STXBP5L: variants seen among roughly 807,000 people sequenced by gnomAD.
STXBP5L encodes the protein syntaxin-binding protein 5-like.
In STXBP5L, 65 loss-of-function variants were observed where a neutral mutation model predicts 144.5. That is an observed-to-expected ratio of 0.45 (90% CI 0.37 to 0.55). The LOEUF is 0.55. STXBP5L is among the 20% of genes least tolerant of loss of function. The pLI is 0.00. For synonymous variants in STXBP5L, 505 were observed against 469.6 expected (o/e 1.08, Z -0.97); for missense variants, 1,298 against 1,405.5 (o/e 0.92, Z 1.22).
At chr3:121,093,202 A>G (rs372439626) in intron 5 of STXBP5L, among the ~76,000 whole-genome samples, 3 of 152,300 alleles carry the variant, frequency 2.0e-5, no homozygotes, top group East Asian at 1.9e-4. Flanking sequence ...TTTTGCATCA[A>G]TGTTCATCAA....
intron 3 of STXBP5L, among the ~76,000 whole-genome samples, chr3:120,979,990 T>C (rs1015667907): frequency 8.5e-5 from 13 of 152,234 alleles, no homozygotes; most frequent in East Asian, 7.7e-4. Flanking sequence ...CAACAATCTT[T>C]CAGGAGCAGG....
At chr3:121,282,487 T>C in intron 19 of STXBP5L, 1 of 558,032 alleles carries the variant, frequency 1.8e-6, no homozygotes, top group South Asian at 2.9e-5. Context: ...CTGATAATTT[T>C]AATAAACATT....
chr3:121,143,343 C>T (rs905375445), intron 7 of STXBP5L, among the ~76,000 whole-genome samples: 4 of 149,348 alleles, frequency 2.7e-5, no homozygotes, highest in Admixed American at 2.0e-4. Context: ...ATCAGCATTA[C>T]CCTGACACCA....
At chr3:120,976,291 G>C (rs1283095387) in intron 3 of STXBP5L, among the ~76,000 whole-genome samples, 1 of 152,120 alleles carries the variant, frequency 6.6e-6, no homozygotes, top group African/African-American at 2.4e-5. Flanking sequence ...ATGTGTCCAG[G>C]AATTTATCCA....
At chr3:121,205,009 G>C (rs891343870) in intron 9 of STXBP5L, among the ~76,000 whole-genome samples, 2 of 152,108 alleles carry the variant, frequency 1.3e-5, no homozygotes, top group Admixed American at 1.3e-4. Context: ...TGTGTTCATT[G>C]TCTAATGGAA....
intron 3 of STXBP5L, among the ~76,000 whole-genome samples, chr3:121,009,412 C>A (rs1944602020): frequency 6.6e-6 from 1 of 152,028 alleles, no homozygotes; most frequent in South Asian, 2.1e-4. Flanking sequence ...CCTCACATTA[C>A]TTCTCTGTCC....
At chr3:121,029,626 G>A (rs1406141540) in intron 3 of STXBP5L, among the ~76,000 whole-genome samples, 2 of 152,132 alleles carry the variant, frequency 1.3e-5, no homozygotes, top group Non-Finnish European at 2.9e-5. Context: ...CATGGGCAAA[G>A]TCTTCGTGAC....
At chr3:121,147,923 A>T (rs2045776810) in intron 7 of STXBP5L, among the ~76,000 whole-genome samples, 1 of 151,966 alleles carries the variant, frequency 6.6e-6, no homozygotes, top group Non-Finnish European at 1.5e-5. Context: ...CTGGTTCTTG[A>T]GCCTGCTGAC....
intron 7 of STXBP5L, among the ~76,000 whole-genome samples, chr3:121,124,399 T>C (rs1051838294): frequency 6.6e-6 from 1 of 152,024 alleles, no homozygotes; most frequent in Non-Finnish European, 1.5e-5. Context: ...ATAGAAAATT[T>C]ACATGTTAAG....
intron 2 of STXBP5L, among the ~76,000 whole-genome samples, chr3:120,953,286 G>T (rs565870616): frequency 6.7e-6 from 1 of 149,618 alleles, no homozygotes; most frequent in East Asian, 2.0e-4. Context: ...GTAATTTTTT[G>T]CCAGTAGCTC....
At chr3:121,410,187 GA>G (rs574366827) in intron 23 of STXBP5L, among the ~76,000 whole-genome samples, 6 of 151,716 alleles carry the variant, frequency 4.0e-5, no homozygotes, top group South Asian at 4.2e-4. Context: ...ATTTGGGGGG[GA>G]AAAAAGGTCT....
At chr3:121,058,091 A>G (rs1948584089) in intron 5 of STXBP5L, among the ~76,000 whole-genome samples, 1 of 152,122 alleles carries the variant, frequency 6.6e-6, no homozygotes, top group Non-Finnish European at 1.5e-5. Context: ...TCCGTCATCT[A>G]CATTAGGTAT....
intron 5 of STXBP5L, among the ~76,000 whole-genome samples, chr3:121,095,042 A>T (rs575423514): frequency 1.3e-5 from 2 of 152,280 alleles, no homozygotes; most frequent in South Asian, 4.1e-4. Flanking sequence ...AGCCTCACTT[A>T]TGAAGCTTAG....
intron 20 of STXBP5L, among the ~76,000 whole-genome samples, chr3:121,323,800 G>A (rs949935715): frequency 6.6e-6 from 1 of 151,916 alleles, no homozygotes; most frequent in Non-Finnish European, 1.5e-5. Flanking sequence ...CTCCCAAGAG[G>A]GTGAGTAGGT....
intron 3 of STXBP5L, among the ~76,000 whole-genome samples, chr3:121,032,472 A>C (rs1398300719): frequency 6.6e-6 from 1 of 152,070 alleles, no homozygotes; most frequent in African/African-American, 2.4e-5. Context: ...AAAACCCTAG[A>C]AGAAAACCTA....
chr3:120,979,050 C>T (rs761554009), intron 3 of STXBP5L, among the ~76,000 whole-genome samples: 3 of 152,198 alleles, frequency 2.0e-5, no homozygotes. Flanking sequence ...CAGCTGCATG[C>T]TCGGAGAACC....
intron 5 of STXBP5L, among the ~76,000 whole-genome samples, chr3:121,060,332 G>A (rs1412654617): frequency 1.3e-5 from 2 of 152,192 alleles, no homozygotes; most frequent in African/African-American, 4.8e-5. Flanking sequence ...TGACTTGATT[G>A]TGGTGGATAA....
chr3:121,139,954 T>TA (rs1386895620), intron 7 of STXBP5L, among the ~76,000 whole-genome samples: 1 of 151,854 alleles, frequency 6.6e-6, no homozygotes, highest in Admixed American at 6.6e-5. Flanking sequence ...CAACTCACCA[T>TA]AAAAAACCAA....
rs532337960 is a variant in STXBP5L at position 121,323,304 on chromosome 3, A to T, written c.2176+4764A>T. Among the ~76,000 whole-genome samples, 196 of 152,170 alleles carry T rather than the reference A, an allele frequency of 1.3e-3. 1 individual carries two copies. Among genetic ancestry groups the T allele is most frequent in the Non-Finnish European group, 2.3e-3 (159 of 68,024 alleles). ...AATGGTGTTTCCTAGGTTTTCTTCT[A>T]GGATTCTTATAGTTTGAGGTGTTAC... On this transcript the variant is annotated intron_variant, in intron 20 of 26. Coordinates refer to ENST00000471454, the MANE Select transcript of STXBP5L (RefSeq NM_001308330.2).
Sources: allele counts gnomAD v4.1 joint callset (sites outside exome capture counted in the v4.1 genomes callset), GRCh38; gene constraint gnomAD v4.1.1; transcripts MANE v1.5; gene names NCBI Gene and HGNC (gene_info 2026-07-23, HGNC 2026-07-21).